Variants in GALNT13 observed in about 807,000 individuals in gnomAD.
GALNT13 encodes the protein polypeptide N-acetylgalactosaminyltransferase 13.
Under a neutral mutation model 64.2 loss-of-function variants are expected in GALNT13, and 28 were observed. The ratio of observed to expected loss-of-function variants is 0.44; its 90% CI spans 0.32 to 0.60. GALNT13 has a LOEUF of 0.60. GALNT13 is among the 20% of genes least tolerant of loss of function. The pLI, the probability that GALNT13 is intolerant of heterozygous loss-of-function variation, is 0.05. For missense variants in GALNT13, 577 were observed against 669.8 expected (o/e 0.86, Z 1.53); for synonymous variants, 214 against 224.6 (o/e 0.95, Z 0.42).
rs1287945575 is a variant in GALNT13 at position 153,892,206 on chromosome 2, C to G, written c.-176-8730C>G. Among the ~76,000 whole-genome samples the G allele has an allele frequency of 3.9e-5, 6 of 151,994 alleles. No homozygotes were observed. In the East Asian group the frequency reaches 1.2e-3, roughly 29 times the overall value. ...TTTCTCATTGTTCCTCTGAGACCTA[C>G]CAAAGTCCATAATACAACCATTCAT... On this transcript the variant is annotated intron_variant, in intron 1 of 12. Coordinates refer to ENST00000392825, the MANE Select transcript of GALNT13 (RefSeq NM_052917.4).
chr2:153,579,784 A>G, the GALNT13 span, among the ~76,000 whole-genome samples: 1 of 152,010 alleles, frequency 6.6e-6, no homozygotes, highest in Non-Finnish European at 1.5e-5. Flanking sequence ...CATGAACTCT[A>G]TTGTGAACTG....
the GALNT13 span, among the ~76,000 whole-genome samples, chr2:153,293,259 G>A: frequency 6.6e-6 from 1 of 152,178 alleles, no homozygotes; most frequent in Non-Finnish European, 1.5e-5. Flanking sequence ...GCAGACCTGA[G>A]TAAGGACCTC....
chr2:153,372,873 T>C, the GALNT13 span, among the ~76,000 whole-genome samples: 1 of 152,216 alleles, frequency 6.6e-6, no homozygotes, highest in Non-Finnish European at 1.5e-5. Context: ...CTTTTCTTTT[T>C]TATGTCAATA....
chr2:154,445,998 T>G (rs1701551957), intron 12 of GALNT13: 2 of 385,696 alleles, frequency 5.2e-6, no homozygotes, highest in Admixed American at 3.0e-5. Flanking sequence ...CTTCATTATC[T>G]ACCTTTCTAA....
At chr2:153,551,067 G>A in the GALNT13 span, among the ~76,000 whole-genome samples, 1 of 152,084 alleles carries the variant, frequency 6.6e-6, no homozygotes. Context: ...AAAAATCATT[G>A]ACCAACACAG....
chr2:153,482,493 G>T, the GALNT13 span, among the ~76,000 whole-genome samples: 1 of 152,158 alleles, frequency 6.6e-6, no homozygotes, highest in African/African-American at 2.4e-5. Flanking sequence ...TTTTTGAGAT[G>T]GTGTCTCGCT....
intron 3 of GALNT13, among the ~76,000 whole-genome samples, chr2:153,997,800 G>A (rs112998893): frequency 0.07 from 10,580 of 151,884 alleles, 433 homozygotes; most frequent in Middle Eastern, 0.13. Flanking sequence ...CCTAGCCCCC[G>A]AGCCCCCGAC....
At chr2:153,439,919 G>T in the GALNT13 span, among the ~76,000 whole-genome samples, 1 of 152,140 alleles carries the variant, frequency 6.6e-6, no homozygotes, top group Non-Finnish European at 1.5e-5. Context: ...CTCACGCTGG[G>T]AGCTGCAGAC....
chr2:153,754,116 C>T, the GALNT13 span, among the ~76,000 whole-genome samples: 10 of 151,978 alleles, frequency 6.6e-5, no homozygotes, highest in East Asian at 1.6e-3. Flanking sequence ...TACACTCTGG[C>T]CCAGTGCAGA....
At chr2:153,436,182 G>T in the GALNT13 span, among the ~76,000 whole-genome samples, 878 of 152,182 alleles carry the variant, frequency 5.8e-3, 3 homozygotes, top group African/African-American at 0.02. Flanking sequence ...TGAAGCCCAC[G>T]TGATCATGGT....
chr2:153,277,908 C>CTTTTCTTTT, the GALNT13 span, among the ~76,000 whole-genome samples: 5 of 69,622 alleles, frequency 7.2e-5, no homozygotes, highest in Non-Finnish European at 1.6e-4. Flanking sequence ...TTTCTTTTTT[C>CTTTTCTTTT]TTTTGTTTTC....
chr2:153,270,051 T>C, the GALNT13 span, among the ~76,000 whole-genome samples: 1 of 152,184 alleles, frequency 6.6e-6, no homozygotes, highest in South Asian at 2.1e-4. Flanking sequence ...TAAACTGCAA[T>C]GTGTGTCTCT....
rs554186399 is a variant in GALNT13 at position 153,991,265 on chromosome 2, A to G, written c.142+46626A>G. Among the ~76,000 whole-genome samples the G allele has an allele frequency of 7.2e-5, 11 of 152,300 alleles. No individual in the cohort carries two copies. In the East Asian group the frequency reaches 2.1e-3, roughly 29 times the overall value. On this transcript the variant is annotated intron_variant, in intron 3 of 12. Coordinates refer to ENST00000392825, the MANE Select transcript of GALNT13 (RefSeq NM_052917.4). ...GGGCAGGGCTAGATTGTGATGGAGC[A>G]AAAAACGTGAGAATGAGCTGACACC...
At chr2:153,348,342 A>C in the GALNT13 span, among the ~76,000 whole-genome samples, 2 of 152,184 alleles carry the variant, frequency 1.3e-5, no homozygotes, top group African/African-American at 2.4e-5. Flanking sequence ...TAGGTCACAA[A>C]GGGAGATGCA....
chr2:154,023,556 C>T (rs181204011), intron 3 of GALNT13, among the ~76,000 whole-genome samples: 2 of 152,236 alleles, frequency 1.3e-5, no homozygotes, highest in East Asian at 3.9e-4. Context: ...GGTAGATCTT[C>T]CTCCATCCTT....
the GALNT13 span, among the ~76,000 whole-genome samples, chr2:153,302,314 AT>A: frequency 4.6e-5 from 7 of 151,892 alleles, no homozygotes; most frequent in East Asian, 1.9e-4. Context: ...TATATTGAGC[AT>A]TTTTTTTACA....
At chr2:153,403,784 G>A in the GALNT13 span, among the ~76,000 whole-genome samples, 3 of 152,076 alleles carry the variant, frequency 2.0e-5, no homozygotes, top group Admixed American at 6.6e-5. Context: ...GCCCTGCTTC[G>A]GCTCGTGCAC....
At chr2:154,247,832 A>C (rs921031728) in intron 7 of GALNT13, among the ~76,000 whole-genome samples, 4 of 152,090 alleles carry the variant, frequency 2.6e-5, no homozygotes, top group African/African-American at 9.7e-5. Context: ...GAAACAGAGA[A>C]ACCTCAGTCT....
intron 3 of GALNT13, among the ~76,000 whole-genome samples, chr2:154,061,713 C>T (rs72868483): frequency 6.7e-6 from 1 of 150,064 alleles, no homozygotes; most frequent in African/African-American, 2.5e-5. Flanking sequence ...TTAATGACCC[C>T]AAATGTTTCA....
Sources: allele counts gnomAD v4.1 joint callset (sites outside exome capture counted in the v4.1 genomes callset), GRCh38; gene constraint gnomAD v4.1.1; transcripts MANE v1.5; gene names NCBI Gene and HGNC (gene_info 2026-07-23, HGNC 2026-07-21).